The following LRMDA variants were observed in gnomAD, a reference collection of about 807,000 sequenced individuals.
LRMDA encodes the protein leucine-rich melanocyte differentiation-associated protein.
LRMDA carries 18 observed loss-of-function variants against 29.8 expected under a neutral mutation model. The ratio of observed to expected loss-of-function variants is 0.60; its 90% confidence interval spans 0.42 to 0.90. The LOEUF (loss-of-function observed/expected upper bound fraction) is 0.90, where lower values mean the gene tolerates loss of function less well. LRMDA is among the 40% of genes least tolerant of loss of function. LRMDA has a pLI of 0.00. For synonymous variants in LRMDA, 125 were observed against 109.4 expected (o/e 1.14, Z -0.89); for missense variants, 273 against 273.9 (o/e 1.00, Z 0.02).
At chr10:75,901,082 A>G (rs181064717) in intron 2 of LRMDA, among the ~76,000 whole-genome samples, 1 of 152,336 alleles carries the variant, frequency 6.6e-6, no homozygotes, top group East Asian at 1.9e-4. Flanking sequence ...AGAGAGGGAG[A>G]CAGAGAGGGA....
intron 5 of LRMDA, among the ~76,000 whole-genome samples, chr10:76,180,837 C>T (rs1426388452): frequency 1.3e-5 from 2 of 152,182 alleles, no homozygotes; most frequent in African/African-American, 2.4e-5. Flanking sequence ...CTTGAATCTA[C>T]TGCTTCCAGA....
At chr10:75,988,781 G>A (rs1464015159) in intron 2 of LRMDA, among the ~76,000 whole-genome samples, 2 of 152,098 alleles carry the variant, frequency 1.3e-5, no homozygotes, top group African/African-American at 4.8e-5. Context: ...CCTGACCTCT[G>A]CCCTCAAGCC....
chr10:76,538,460 GTA>G (rs60536179), intron 6 of LRMDA, among the ~76,000 whole-genome samples: 14 of 143,170 alleles, frequency 9.8e-5, no homozygotes, highest in African/African-American at 2.1e-4. Flanking sequence ...GCATATATAT[GTA>G]TATATATATG....
chr10:75,996,449 T>C (rs964568384), intron 2 of LRMDA, among the ~76,000 whole-genome samples: 1 of 152,212 alleles, frequency 6.6e-6, no homozygotes, highest in Non-Finnish European at 1.5e-5. Context: ...TGCTGTGCAT[T>C]TGCTACTTCT....
intron 6 of LRMDA, among the ~76,000 whole-genome samples, chr10:76,357,100 T>C (rs1841250632): frequency 6.6e-6 from 1 of 152,180 alleles, no homozygotes; most frequent in Non-Finnish European, 1.5e-5. Context: ...AGAGGAGGCA[T>C]GGATACTTTT....
chr10:76,494,427 GT>G (rs1412610349), intron 6 of LRMDA, among the ~76,000 whole-genome samples: 2 of 147,950 alleles, frequency 1.4e-5, no homozygotes, highest in East Asian at 2.0e-4. Context: ...TGTTTACAAT[GT>G]CCCCTTATTA....
At chr10:75,819,644 G>C (rs892618136) in intron 2 of LRMDA, among the ~76,000 whole-genome samples, 3 of 152,064 alleles carry the variant, frequency 2.0e-5, no homozygotes, top group Non-Finnish European at 4.4e-5. Flanking sequence ...CAGGTCATTG[G>C]GTTGGCAGTT....
intron 5 of LRMDA, among the ~76,000 whole-genome samples, chr10:76,110,032 G>T (rs1180735198): frequency 6.6e-6 from 1 of 152,156 alleles, no homozygotes; most frequent in Admixed American, 6.5e-5. Flanking sequence ...GCCACAGTTT[G>T]AAAGTACTCA....
intron 5 of LRMDA, among the ~76,000 whole-genome samples, chr10:76,068,875 C>A (rs897444698): frequency 4.6e-5 from 7 of 152,208 alleles, no homozygotes; most frequent in African/African-American, 1.7e-4. Context: ...AGTAATGGCA[C>A]CCCGTTCCAC....
intron 5 of LRMDA, among the ~76,000 whole-genome samples, chr10:76,167,512 T>C (rs922551870): frequency 1.3e-5 from 2 of 152,346 alleles, no homozygotes; most frequent in African/African-American, 4.8e-5. Context: ...AAATAGAGAA[T>C]CGTTTCCCCA....
At chr10:76,169,426 T>C (rs894103173) in intron 5 of LRMDA, among the ~76,000 whole-genome samples, 3 of 152,216 alleles carry the variant, frequency 2.0e-5, no homozygotes, top group Non-Finnish European at 4.4e-5. Flanking sequence ...CCTCTCGTGT[T>C]GGATCTTCTC....
chr10:75,812,108 A>ATTTTTTTTTTTTT lies in LRMDA; in HGVS notation c.132-223882_132-223870dup, dbSNP rs67846089. ...TAGTTTCTAAGGGGCTTTAATTGTG[A>ATTTTTTTTTTTTT]TTTTTTTTTTTTTTTTTTTTTTTTT... On this transcript the variant is annotated intron_variant, in intron 2 of 6. Coordinates refer to ENST00000611255, the MANE Select transcript of LRMDA (RefSeq NM_001305581.2). Among the ~76,000 whole-genome samples the ATTTTTTTTTTTTT allele has an allele frequency of 1.3e-4, 6 of 46,258 alleles. 1 individual carries two copies. Among genetic ancestry groups the ATTTTTTTTTTTTT allele is most frequent in the African/African-American group, 7.2e-4 (6 of 8,366 alleles). 30.3% of individuals were successfully genotyped at this position (46,258 alleles called of 152,430 possible).
At chr10:75,987,904 T>C (rs570521324) in intron 2 of LRMDA, among the ~76,000 whole-genome samples, 29 of 152,362 alleles carry the variant, frequency 1.9e-4, no homozygotes, top group Admixed American at 4.6e-4. Flanking sequence ...GCTTTTGAGA[T>C]TTTGAACTAC....
chr10:76,109,511 G>A (rs2117794), intron 5 of LRMDA, among the ~76,000 whole-genome samples: 86,114 of 151,960 alleles, frequency 0.57, 25,340 homozygotes, highest in East Asian at 0.75. Flanking sequence ...TTCCCATCAG[G>A]TTTTGAGAAC....
At chr10:75,605,995 C>G (rs748788924) in intron 2 of LRMDA, among the ~76,000 whole-genome samples, 2 of 152,136 alleles carry the variant, frequency 1.3e-5, no homozygotes, top group Non-Finnish European at 2.9e-5. Flanking sequence ...GTAGCTGTAA[C>G]TACAGGTGTG....
At chr10:75,641,905 A>G (rs983160101) in intron 2 of LRMDA, among the ~76,000 whole-genome samples, 36 of 152,226 alleles carry the variant, frequency 2.4e-4, no homozygotes, top group Admixed American at 4.6e-4. Flanking sequence ...AAAGATAAAT[A>G]TTCTTTGTCA....
intron 6 of LRMDA, among the ~76,000 whole-genome samples, chr10:76,377,103 T>G (rs1841531359): frequency 6.6e-6 from 1 of 151,988 alleles, no homozygotes; most frequent in Admixed American, 6.6e-5. Flanking sequence ...GCCAATATGG[T>G]CTCAATCTCC....
chr10:76,455,653 CT>C (rs1288328884), intron 6 of LRMDA, among the ~76,000 whole-genome samples: 3 of 152,172 alleles, frequency 2.0e-5, no homozygotes, highest in African/African-American at 7.2e-5. Context: ...TATCACTTCT[CT>C]GGGAGACAAG....
chr10:75,657,547 G>A (rs534738012), intron 2 of LRMDA, among the ~76,000 whole-genome samples: 1 of 152,180 alleles, frequency 6.6e-6, no homozygotes, highest in African/African-American at 2.4e-5. Context: ...TCACTTTCTA[G>A]TTGTGTGGCC....
Sources: gnomAD v4.1 joint callset for allele counts (sites outside exome capture counted in the v4.1 genomes callset) on GRCh38, gnomAD v4.1.1 for gene constraint, MANE v1.5 for transcripts, NCBI Gene and HGNC (gene_info 2026-07-23, HGNC 2026-07-21) for gene names.